The following CDC42EP1 variants were observed in gnomAD, a reference collection of about 807,000 sequenced individuals.
CDC42EP1 encodes the protein CDC42 effector protein 1.
A neutral mutation model predicts 7.4 loss-of-function variants in CDC42EP1; 6 were observed. The ratio of observed to expected loss-of-function variants is 0.81; its 90% CI spans 0.44 to 1.60. The LOEUF (loss-of-function observed/expected upper bound fraction) is 1.60. CDC42EP1 is among the 40% of genes most tolerant of loss of function. The pLI is 0.01. For missense variants in CDC42EP1, 567 were observed against 539.0 expected (o/e 1.05, Z -0.51); for synonymous variants, 238 against 227.1 (o/e 1.05, Z -0.43).
chr22:37,562,509 G>T (rs187553666), intron 1 of CDC42EP1, among the ~76,000 whole-genome samples: 1 of 152,232 alleles, frequency 6.6e-6, no homozygotes, highest in African/African-American at 2.4e-5. Context: ...GTATCTGAGG[G>T]TTTCATTACA....
At chr22:37,564,946 T>G (rs969224709) in intron 1 of CDC42EP1, among the ~76,000 whole-genome samples, 1 of 152,134 alleles carries the variant, frequency 6.6e-6, no homozygotes, top group African/African-American at 2.4e-5. Flanking sequence ...GCCCAGCTAA[T>G]TTTTTGTATT....
At position 37,566,126 on chromosome 22, in the gene CDC42EP1, G is replaced by A. The variant is rs1048788995; in HGVS notation, c.-224G>A. The A allele has an allele frequency of 3.3e-4, 134 of 411,652 alleles. No individual in the cohort carries two copies. Among genetic ancestry groups the A allele is most frequent in the East Asian group, 2.2e-3 (60 of 27,682 alleles). 25.5% of individuals were successfully genotyped at this position (411,652 alleles called of 1,614,324 possible). On this transcript the variant is annotated 5_prime_UTR_variant, in exon 2 of 3. Transcript: ENST00000249014. This position sits in a 1 kb window ranked among gnomAD's most constrained non-coding sequence, Gnocchi z 6.4. ...ACCACCTCGGGGGTGCTTTCTCTGC[G>A]CTTGAACATCTATAGCTGCTTCTGA...
At chr22:37,564,869 C>T (rs950813999) in intron 1 of CDC42EP1, among the ~76,000 whole-genome samples, 2 of 152,160 alleles carry the variant, frequency 1.3e-5, no homozygotes, top group East Asian at 3.9e-4. Flanking sequence ...ACCTCTGCCT[C>T]CCGGGTTCAA....
Position 37,568,551 on chromosome 22 carries a change from A to G in CDC42EP1, c.907A>G (p.Ser303Gly), listed in dbSNP as rs1347960600. ...GLGPVAEVKSSPVGGGPRGPA... is the reference protein window; with the variant it reads ...GLGPVAEVKSGPVGGGPRGPA... ...GGGCCCAGTGGCTGAGGTGAAGTCC[A>G]GCCCAGTGGGAGGGGGTCCCCGAGG... The change falls in exon 3 of 3, where the codon AGC (serine) becomes GGC (glycine). Residue 303 changes from serine (S) to glycine (G), a missense_variant. Transcript: ENST00000249014. 8 of 1,608,510 alleles carry G rather than the reference A, an allele frequency of 5.0e-6. No individual in the cohort carries two copies. Among genetic ancestry groups the G allele is most frequent in the Middle Eastern group, 3.3e-4 (2 of 6,078 alleles).
At position 37,566,484 on chromosome 22, in the gene CDC42EP1, C is replaced by A. The variant is rs1376557606; in HGVS notation, c.135C>A (p.Phe45Leu). The change falls in exon 2 of 3, where the codon TTC (phenylalanine) becomes TTA (leucine). Residue 45 changes from phenylalanine to leucine, a missense_variant. Physicochemically the swap from Phe to Leu is conservative, Grantham distance 22. Transcript: ENST00000249014. The surrounding 1 kb of genome is among the most constrained non-coding windows in gnomAD (Gnocchi z 6.4). ...TGATCAGCCACCCACTCGGGGACTT[C>A]CGCCACACCATGCATGTGGGCCGTG... Reference protein sequence around the residue: ...ADMISHPLGDFRHTMHVGRGG... With the variant: ...ADMISHPLGDLRHTMHVGRGG... 5 of 1,613,214 alleles carry A rather than the reference C, an allele frequency of 3.1e-6. No individual in the cohort carries two copies. The Admixed American group carries it at 8.3e-5, about 27-fold the overall frequency.
rs1359763967 is a variant in CDC42EP1 at position 37,568,586 on chromosome 22, C to T, written c.942C>T (p.Gly314=). Residue 314 remains glycine (G), a synonymous_variant, in exon 3 of 3, where the codon GGC becomes GGT. Coordinates refer to ENST00000249014, the MANE Select transcript of CDC42EP1 (RefSeq NM_152243.3). ...GAGGGGGTCCCCGAGGACCTGCTGG[C>T]CCTGCCCTCGGCAGGCACTGGGGAG... ...PVGGGPRGPA[G]PALGRHWGAG... 1.2e-6 allele frequency: 2 copies of T among 1,600,988 alleles called. No homozygotes were observed. The highest frequency in any genetic ancestry group is 8.5e-7 in the Non-Finnish European group (1 of 1,174,266).
At chr22:37,562,555 G>A (rs1239323768) in intron 1 of CDC42EP1, among the ~76,000 whole-genome samples, 1 of 152,242 alleles carries the variant, frequency 6.6e-6, no homozygotes, top group Non-Finnish European at 1.5e-5. Context: ...GAGGGGAACT[G>A]CCTGGTGTGC....
intron 1 of CDC42EP1, among the ~76,000 whole-genome samples, chr22:37,563,028 G>T (rs955721336): frequency 5.3e-5 from 8 of 152,038 alleles, no homozygotes; most frequent in Admixed American, 5.2e-4. Flanking sequence ...AGGATCGCTT[G>T]AGCCTGGGAG....
Position 37,568,206 on chromosome 22 carries a change from C to T in CDC42EP1, c.562C>T (p.Arg188Cys), listed in dbSNP as rs1417214015. ...DGSFPSEPGLRRSDSLLSFRL... is the reference protein window; with the variant it reads ...DGSFPSEPGLCRSDSLLSFRL... ...TTCCTTCCCCTCTGAGCCCGGGCTT[C>T]GCCGCTCTGACTCTCTCTTGTCCTT... Residue 188 changes from arginine to cysteine, a missense_variant, in exon 3 of 3, where the codon CGC (arginine) becomes TGC (cysteine). By Grantham distance (180) the Arg-to-Cys change is radical. Transcript: ENST00000249014. 2.5e-6 allele frequency: 4 copies of T among 1,613,890 alleles called. No homozygotes were observed. Among genetic ancestry groups the T allele is most frequent in the Non-Finnish European group, 2.5e-6 (3 of 1,179,990 alleles).
In CDC42EP1 at chr22:37,566,765, G is replaced by C; in HGVS notation, c.416G>C (p.Ser139Thr). ...GACAGCCTCGTGGTTGGCAAGCTCAGCTTCGACAGCAGCCCCACCAGCTCC... is the reference window on the plus strand; with the variant it reads ...GACAGCCTCGTGGTTGGCAAGCTCACCTTCGACAGCAGCCCCACCAGCTCC... Reference protein sequence around the residue: ...AYDSLVVGKLSFDSSPTSSTD... With the variant: ...AYDSLVVGKLTFDSSPTSSTD... Residue 139 changes from serine (S) to threonine (T), a missense_variant, in exon 2 of 3, where the codon AGC (serine) becomes ACC (threonine). By Grantham distance (58) the Ser-to-Thr change is moderately conservative (BLOSUM62 1). Transcript: ENST00000249014. This position sits in a 1 kb window ranked among gnomAD's most constrained non-coding sequence, Gnocchi z 6.4. 1 of 1,591,598 alleles carries C rather than the reference G, an allele frequency of 6.3e-7. No individual in the cohort carries two copies. Among genetic ancestry groups the C allele is most frequent in the Middle Eastern group, 1.7e-4 (1 of 5,946 alleles).
Position 37,568,233 on chromosome 22 carries a change from C to T in CDC42EP1, c.589C>T (p.Arg197Cys), listed in dbSNP as rs367706200. 54 of 1,613,776 alleles carry T rather than the reference C, an allele frequency of 3.3e-5. No homozygotes were observed. Among genetic ancestry groups the T allele is most frequent in the Middle Eastern group, 3.3e-4 (2 of 6,084 alleles). ...LRRSDSLLSF[R>C]LDLDLGPSLL... ...CCGCTCTGACTCTCTCTTGTCCTTC[C>T]GCCTGGACCTCGACCTTGGGCCCTC... Residue 197 changes from arginine (R) to cysteine (C), a missense_variant, in exon 3 of 3, where the codon CGC (arginine) becomes TGC (cysteine). By Grantham distance (180) the Arg-to-Cys change is radical (BLOSUM62 -3). Coordinates refer to ENST00000249014, the MANE Select transcript of CDC42EP1 (RefSeq NM_152243.3).
At chr22:37,561,727 C>G (rs995037473) in intron 1 of CDC42EP1, among the ~76,000 whole-genome samples, 1 of 152,188 alleles carries the variant, frequency 6.6e-6, no homozygotes, top group South Asian at 2.1e-4. Context: ...GCTGGATGCC[C>G]GCAGGAAGTG....
chr22:37,566,705 C>G lies in CDC42EP1; in HGVS notation c.356C>G (p.Ala119Gly), dbSNP rs765724113. 2.5e-6 allele frequency: 4 copies of G among 1,612,478 alleles called. No homozygotes were observed. Among genetic ancestry groups the G allele is most frequent in the Non-Finnish European group, 3.4e-6 (4 of 1,179,152 alleles). Residue 119 changes from alanine (A) to glycine (G), a missense_variant, in exon 2 of 3, where the codon GCC (alanine) becomes GGC (glycine). Coordinates refer to ENST00000249014, the MANE Select transcript of CDC42EP1 (RefSeq NM_152243.3). This position sits in a 1 kb window ranked among gnomAD's most constrained non-coding sequence, Gnocchi z 6.4. The part of the protein sequence containing the change: ...PPAISPIIKN[A>G]ISLPQLNQAA... ...GCCATCTCCCCCATCATCAAGAACG[C>G]CATCTCCCTGCCCCAGCTCAACCAG...
Position 37,566,295 on chromosome 22 carries a change from T to G in CDC42EP1, c.-55T>G. ...GCAGCCATCCCAAGCCCAGCCCACCTCCCTCCCCCGGCCCCTGGTAGGCAT... is the reference window on the plus strand; with the variant it reads ...GCAGCCATCCCAAGCCCAGCCCACCGCCCTCCCCCGGCCCCTGGTAGGCAT... On this transcript the variant is annotated 5_prime_UTR_variant, in exon 2 of 3. Transcript: ENST00000249014. This position sits in a 1 kb window ranked among gnomAD's most constrained non-coding sequence, Gnocchi z 6.4. 252 of 252,476 alleles carry G rather than the reference T, an allele frequency of 1.0e-3. No individual in the cohort carries two copies. Among genetic ancestry groups the G allele is most frequent in the Middle Eastern group, 2.1e-3 (2 of 944 alleles). 15.6% of individuals were successfully genotyped at this position (252,476 alleles called of 1,614,324 possible). A position where few individuals can be genotyped will look rare whatever the true frequency, so the allele number is the denominator to read the frequency against.
intron 1 of CDC42EP1, among the ~76,000 whole-genome samples, chr22:37,563,445 G>A (rs1446069614): frequency 6.6e-6 from 1 of 152,114 alleles, no homozygotes; most frequent in South Asian, 2.1e-4. Flanking sequence ...ATTCCACGAG[G>A]ACTTCTCGGT....
rs953392403 is a variant in CDC42EP1 at position 37,566,610 on chromosome 22, G to T, written c.261G>T (p.Gln87His). 1 of 1,597,582 alleles carries T rather than the reference G, an allele frequency of 6.3e-7. No individual in the cohort carries two copies. Among genetic ancestry groups the T allele is most frequent in the African/African-American group, 1.3e-5 (1 of 74,686 alleles). The change falls in exon 2 of 3, where the codon CAG becomes CAT. Residue 87 changes from glutamine to histidine, a missense_variant. By Grantham distance (24) the Gln-to-His change is conservative (BLOSUM62 0). Coordinates refer to ENST00000249014, the MANE Select transcript of CDC42EP1 (RefSeq NM_152243.3). This position sits in a 1 kb window ranked among gnomAD's most constrained non-coding sequence, Gnocchi z 6.4. ...GCAGCTTCCTGGCCAAGAAGCTGCA[G>T]CTGGTGCGGAGGGTGGGGGCGCCCC... ...SPRSFLAKKL[Q>H]LVRRVGAPPR...
chr22:37,566,166 G>A lies in CDC42EP1; in HGVS notation c.-184G>A. 1 of 453,726 alleles carries A rather than the reference G, an allele frequency of 2.2e-6. No homozygotes were observed. The highest frequency in any genetic ancestry group is 4.1e-5 in the Admixed American group (1 of 24,114). 28.1% of individuals were successfully genotyped at this position (453,726 alleles called of 1,614,324 possible). A position where few individuals can be genotyped will look rare whatever the true frequency, so the allele number is the denominator to read the frequency against. On this transcript the variant is annotated 5_prime_UTR_variant, in exon 2 of 3. Transcript: ENST00000249014. The surrounding 1 kb of genome is among the most constrained non-coding windows in gnomAD (Gnocchi z 6.4). ...GCTGCTTCTGAGGGGCTGGGAGCCG[G>A]GCCCCTGGGAGAGACGAGCCATGAA...
intron 1 of CDC42EP1, among the ~76,000 whole-genome samples, chr22:37,565,245 T>G (rs1327273991): frequency 2.1e-5 from 3 of 144,382 alleles, no homozygotes; most frequent in Non-Finnish European, 4.5e-5. Context: ...TGGAGTGCAG[T>G]GACACAATCA....
chr22:37,563,657 A>G (rs1306839751), intron 1 of CDC42EP1: 2 of 152,182 alleles, frequency 1.3e-5, no homozygotes, highest in African/African-American at 4.8e-5. Context: ...GAAGGGCAGT[A>G]TTGAGATTTC....
Sources: allele counts gnomAD v4.1 joint callset (sites outside exome capture counted in the v4.1 genomes callset), GRCh38; gene constraint gnomAD v4.1.1; non-coding constraint Gnocchi (gnomAD v3.1); transcripts MANE v1.5; gene names NCBI Gene and HGNC (gene_info 2026-07-23, HGNC 2026-07-21).